Variants in FKBP8 observed in about 807,000 individuals in gnomAD.
FKBP8 encodes the protein FKBP prolyl isomerase 8, also known as peptidyl-prolyl cis-trans isomerase FKBP8.
Under a neutral mutation model 41.7 loss-of-function variants are expected in FKBP8, and 5 were observed. The ratio of observed to expected loss-of-function variants is 0.12; its 90% CI spans 0.06 to 0.25. The LOEUF (loss-of-function observed/expected upper bound fraction) is 0.25. FKBP8 is among the 10% of genes least tolerant of loss of function. The pLI is 1.00. For missense variants in FKBP8, 397 were observed against 563.0 expected, an observed-to-expected ratio of 0.71 and a Z score of 2.98; for synonymous variants, 279 against 254.5, an observed-to-expected ratio of 1.10 and a Z score of -0.92.
chr19:18,532,232 A>G lies in FKBP8; in HGVS notation c.1179T>C (p.Phe393=). 6.2e-7 allele frequency: 1 copy of G among 1,609,696 alleles called. No homozygotes were observed. The change falls in exon 9 of 9, where the codon TTT becomes TTC. Residue 393 remains phenylalanine (F), a synonymous_variant. Transcript: ENST00000608443. ...GAWSIPWKWL[F]GATAVALGGV... is the part of the protein sequence containing the mutation. ...CCCCCAAGGCAACAGCAGTCGCCCC[A>G]AACAGCCACTTCCATGGGATGGACT...
At chr19:18,542,917 A>T (rs1280179861) in intron 1 of FKBP8, 1 of 1,258,016 alleles carries the variant, frequency 7.9e-7, no homozygotes, top group South Asian at 1.3e-5. Flanking sequence ...TCGGAGCCCC[A>T]CTTTGAGAGA....
At chr19:18,533,972 G>GCACTC (rs1350929276) in intron 6 of FKBP8, among the ~76,000 whole-genome samples, 3 of 137,214 alleles carry the variant, frequency 2.2e-5, no homozygotes, top group African/African-American at 8.4e-5. Flanking sequence ...TCGTGCCACT[G>GCACTC]CACTCCAGCC....
intron 8 of FKBP8, 114 bp from the exon 9 acceptor site, chr19:18,532,369 G>T: frequency 9.0e-7 from 1 of 1,112,638 alleles, no homozygotes; most frequent in Non-Finnish European, 1.3e-6. Flanking sequence ...GCCTGACTAT[G>T]TATTTCCCAC....
chr19:18,542,837 G>A, intron 1 of FKBP8: 1 of 1,151,414 alleles, frequency 8.7e-7, no homozygotes, highest in Non-Finnish European at 1.2e-6. Context: ...GCTCAGAAGA[G>A]TGTGGCACAG....
Position 18,531,806 on chromosome 19 carries a change from TGGA to T in FKBP8, c.*360_*362del. The T allele has an allele frequency of 7.4e-6, 1 of 134,244 alleles. No individual in the cohort carries two copies. Among genetic ancestry groups the T allele is most frequent in the Admixed American group, 1.2e-4 (1 of 8,624 alleles). 8.3% of individuals were successfully genotyped at this position (134,244 alleles called of 1,614,324 possible). Reference sequence around the variant, plus strand: ...ATTTCACTGTGGCGGGGAGGGAACCTGGACAGGGGGCGGCAGGCGGGGTGGGGG... The same window carrying T: ...ATTTCACTGTGGCGGGGAGGGAACCTCAGGGGGCGGCAGGCGGGGTGGGGG... On this transcript the variant is annotated 3_prime_UTR_variant, in exon 9 of 9. Transcript: ENST00000608443.
chr19:18,543,083 C>G (rs938784032), intron 1 of FKBP8: 3 of 297,112 alleles, frequency 1.0e-5, no homozygotes, highest in Non-Finnish European at 2.0e-5. Context: ...AGACGCCCCC[C>G]CCTTTCCGAT....
Position 18,532,061 on chromosome 19 carries a change from G to T in FKBP8, c.*108C>A. On this transcript the variant is annotated 3_prime_UTR_variant, in exon 9 of 9. Transcript: ENST00000608443. ...CCCCCAATCCTTGCTCCCCTAACCC[G>T]GAGGAGGGGGCCAGACCAGGGAGGG... The T allele has an allele frequency of 1.0e-6, 1 of 989,810 alleles. No individual in the cohort carries two copies. 61.3% of individuals were successfully genotyped at this position (989,810 alleles called of 1,614,324 possible). A position where few individuals can be genotyped will look rare whatever the true frequency, so the allele number is the denominator to read the frequency against.
chr19:18,543,008 G>GC, intron 1 of FKBP8: 1 of 703,136 alleles, frequency 1.4e-6, no homozygotes, highest in Non-Finnish European at 1.9e-6. Flanking sequence ...AACCACCACC[G>GC]CCCCCAGCAC....
At position 18,538,344 on chromosome 19, in the gene FKBP8, C is replaced by A. The variant is rs1976626461; in HGVS notation, c.644G>T (p.Gly215Val). ...VDGPDLEMLT[G>V]QERVALANRK... ...GTTGGCCAGGGCCACGCGCTCCTGC[C>A]CCGTGAGCATCTCCAGGTCAGGCCC... The change falls in exon 5 of 9, where the codon GGG (glycine) becomes GTG (valine). Residue 215 changes from glycine to valine, a missense_variant. Physicochemically the swap from Gly to Val is moderately radical, Grantham distance 109 (BLOSUM62 -3). Coordinates refer to ENST00000608443, the MANE Select transcript of FKBP8 (RefSeq NM_012181.5). This position sits in a 1 kb window ranked among gnomAD's most constrained non-coding sequence, Gnocchi z 4.0. The A allele has an allele frequency of 6.2e-7, 1 of 1,613,666 alleles. No homozygotes were observed. Among genetic ancestry groups the A allele is most frequent in the Non-Finnish European group, 8.5e-7 (1 of 1,179,960 alleles).
At chr19:18,540,054 G>A (rs561892031) in intron 2 of FKBP8, among the ~76,000 whole-genome samples, 1 of 151,878 alleles carries the variant, frequency 6.6e-6, no homozygotes, top group Admixed American at 6.6e-5. Context: ...TATTTGAGAG[G>A]CCAATGTGGG....
At position 18,538,091 on chromosome 19, in the gene FKBP8, G is replaced by GA; in HGVS notation, c.772+124dup. On this transcript the variant is annotated intron_variant, in intron 5 of 8. Transcript: ENST00000608443. The surrounding 1 kb of genome is among the most constrained non-coding windows in gnomAD (Gnocchi z 4.0). ...AGGCCCTAGCTTAGGGGCAGTTGGGGATCTACCCATATTCTGGGCTATTCT... is the reference window on the plus strand; with the variant it reads ...AGGCCCTAGCTTAGGGGCAGTTGGGGAATCTACCCATATTCTGGGCTATTCT... 2 of 1,063,622 alleles carry GA rather than the reference G, an allele frequency of 1.9e-6. No homozygotes were observed. The highest frequency in any genetic ancestry group is 1.4e-6 in the Non-Finnish European group (1 of 723,554). 65.9% of individuals were successfully genotyped at this position (1,063,622 alleles called of 1,614,324 possible). A position where few individuals can be genotyped will look rare whatever the true frequency, so the allele number is the denominator to read the frequency against.
chr19:18,539,813 A>C (rs917679394), intron 2 of FKBP8, 93 bp from the exon 3 acceptor site: 32 of 1,446,692 alleles, frequency 2.2e-5, no homozygotes, highest in South Asian at 7.3e-5. Flanking sequence ...AGCTCTGCCC[A>C]CTAGCTGTCC....
In FKBP8 at chr19:18,537,427, T is replaced by G. The variant is rs1568410377; in HGVS notation, c.945+174A>C. Among the ~76,000 whole-genome samples, 1 of 152,124 alleles carries G rather than the reference T, an allele frequency of 6.6e-6. No homozygotes were observed. Among genetic ancestry groups the G allele is most frequent in the Non-Finnish European group, 1.5e-5 (1 of 68,002 alleles). On this transcript the variant is annotated intron_variant, in intron 6 of 8. Coordinates refer to ENST00000608443, the MANE Select transcript of FKBP8 (RefSeq NM_012181.5). This position sits in a 1 kb window ranked among gnomAD's most constrained non-coding sequence, Gnocchi z 4.4. ...AGGATCAAATTCTGGCCTCAGCCAATGAATTGTTGTGACCAGGCCACACTC... is the reference window on the plus strand; with the variant it reads ...AGGATCAAATTCTGGCCTCAGCCAAGGAATTGTTGTGACCAGGCCACACTC...
Position 18,538,729 on chromosome 19 carries a change from C to T in FKBP8, c.552-293G>A, listed in dbSNP as rs1316442468. Among the ~76,000 whole-genome samples, 1 of 151,284 alleles carries T rather than the reference C, an allele frequency of 6.6e-6. No individual in the cohort carries two copies. Among genetic ancestry groups the T allele is most frequent in the Non-Finnish European group, 1.5e-5 (1 of 67,906 alleles). On this transcript the variant is annotated intron_variant, in intron 4 of 8. Coordinates refer to ENST00000608443, the MANE Select transcript of FKBP8 (RefSeq NM_012181.5). This position sits in a 1 kb window ranked among gnomAD's most constrained non-coding sequence, Gnocchi z 4.0. ...GTGGTGCAATCTTGGCTCACTGCAG[C>T]CTCAAAAACGTGGGCTCAAGTGATC... is the stretch of plus-strand genomic sequence containing the variant.
chr19:18,537,982 G>A lies in FKBP8; in HGVS notation c.773-209C>T. The A allele has an allele frequency of 3.0e-6, 2 of 669,942 alleles. No individual in the cohort carries two copies. Among genetic ancestry groups the A allele is most frequent in the Non-Finnish European group, 5.0e-6 (2 of 400,080 alleles). 41.5% of individuals were successfully genotyped at this position (669,942 alleles called of 1,614,324 possible). A position where few individuals can be genotyped will look rare whatever the true frequency, so the allele number is the denominator to read the frequency against. On this transcript the variant is annotated intron_variant, in intron 5 of 8. Coordinates refer to ENST00000608443, the MANE Select transcript of FKBP8 (RefSeq NM_012181.5). This position sits in a 1 kb window ranked among gnomAD's most constrained non-coding sequence, Gnocchi z 4.4. ...CCTAGCCTGTGGTACATGTGAACTG[G>A]CCCTGTCTATGGTCACCCCATCCCC...
rs1850297395 is a variant in FKBP8, at chr19:18,541,937, C to T, written c.34G>A (p.Ala12Thr). Residue 12 changes from alanine (A) to threonine (T), a missense_variant, in exon 2 of 9, where the codon GCC (alanine) becomes ACC (threonine). Transcript: ENST00000608443. ...ASCAEPSEPS[A>T]PLPAGVPPLE... ...GGTGGGACCCCGGCGGGCAGTGGGG[C>T]AGAGGGCTCAGAGGGTTCAGCACAC... 3.7e-6 allele frequency: 6 copies of T among 1,614,014 alleles called. No individual in the cohort carries two copies. Among genetic ancestry groups the T allele is most frequent in the African/African-American group, 1.3e-5 (1 of 75,036 alleles).
At chr19:18,533,498 A>C in intron 6 of FKBP8, 151 bp from the exon 7 acceptor site, 1 of 494,848 alleles carries the variant, frequency 2.0e-6, no homozygotes, top group Non-Finnish European at 3.4e-6. Context: ...AAATAAAATA[A>C]AATAAAAACA....
Position 18,542,499 on chromosome 19 carries a change from T to C in FKBP8, c.-25-504A>G, listed in dbSNP as rs141965305. On this transcript the variant is annotated intron_variant, in intron 1 of 8. Coordinates refer to ENST00000608443, the MANE Select transcript of FKBP8 (RefSeq NM_012181.5). Reference sequence around the variant, plus strand: ...GAGCCTCTAAGGCCACTGGGGGAAATTGAATCTTTTACCAGGGCCTCCCAC... The same window carrying C: ...GAGCCTCTAAGGCCACTGGGGGAAACTGAATCTTTTACCAGGGCCTCCCAC... 989 of 179,374 alleles carry C rather than the reference T, an allele frequency of 5.5e-3. 9 individuals are homozygous for C. Among genetic ancestry groups the C allele is most frequent in the African/African-American group, 0.021 (857 of 41,600 alleles). The allele number at this position is 179,374 out of a possible 1,614,324, so 11.1% of individuals were successfully genotyped here.
chr19:18,539,706 T>C lies in FKBP8; in HGVS notation c.307A>G (p.Arg103Gly). 1 of 1,608,164 alleles carries C rather than the reference T, an allele frequency of 6.2e-7. No individual in the cohort carries two copies. The change falls in exon 3 of 9, where the codon AGG (arginine) becomes GGG (glycine). Residue 103 changes from arginine (R) to glycine (G), a missense_variant. Transcript: ENST00000608443. ...WLDILGNGLL[R>G]KKTLVPGPPG... Reference sequence around the variant, plus strand: ...GGCCCTGGGACCAGCGTCTTCTTCCTCAACAGCCCGTTCCCTGCCAGGGTC... The same window carrying C: ...GGCCCTGGGACCAGCGTCTTCTTCCCCAACAGCCCGTTCCCTGCCAGGGTC...
Sources: gnomAD v4.1 joint callset for allele counts (sites outside exome capture counted in the v4.1 genomes callset) on GRCh38, gnomAD v4.1.1 for gene constraint, Gnocchi (gnomAD v3.1) non-coding constraint, MANE v1.5 for transcripts, NCBI Gene and HGNC (gene_info 2026-07-23, HGNC 2026-07-21) for gene names.